MYO3A: variants seen among roughly 807,000 people sequenced by gnomAD.
MYO3A encodes the protein myosin IIIA.
A neutral mutation model predicts 192.7 loss-of-function variants in MYO3A; 180 were observed. That is an observed-to-expected ratio of 0.93 (90% CI 0.83 to 1.06). The LOEUF is 1.06. Ranked by LOEUF, MYO3A falls within the 50% of genes least tolerant of loss-of-function variation. The pLI is 0.00. For synonymous variants in MYO3A, 628 were observed against 645.3 expected (o/e 0.97, Z 0.41); for missense variants, 1,896 against 1,905.0 (o/e 1.00, Z 0.09).
In MYO3A at chr10:26,173,887, G is replaced by A. The variant is rs1321403445; in HGVS notation, c.3623G>A (p.Gly1208Glu). 1.2e-6 allele frequency: 2 copies of A among 1,613,880 alleles called. No individual in the cohort carries two copies. Among genetic ancestry groups the A allele is most frequent in the Non-Finnish European group, 1.7e-6 (2 of 1,180,006 alleles). Residue 1208 changes from glycine to glutamate, a missense_variant, in exon 30 of 35, where the codon GGG becomes GAG. By Grantham distance (98) the Gly-to-Glu change is moderately conservative (BLOSUM62 -2). Transcript: ENST00000642920. ...GTTAAGCAAGAATTCTACCTTGTAG[G>A]GCCAGAAGTAAGCCCCAAACAGAAG... ...EEVKQEFYLVGPEVSPKQKSV... is the reference protein window; with the variant it reads ...EEVKQEFYLVEPEVSPKQKSV...
At chr10:26,108,391 C>T (rs1446036348) in intron 17 of MYO3A, among the ~76,000 whole-genome samples, 1 of 152,002 alleles carries the variant, frequency 6.6e-6, no homozygotes, top group Non-Finnish European at 1.5e-5. Context: ...TAAGCTAAAA[C>T]AAACAAACAA....
intron 3 of MYO3A, among the ~76,000 whole-genome samples, chr10:25,954,166 A>G (rs577375681): frequency 3.5e-4 from 53 of 152,200 alleles, no homozygotes; most frequent in Admixed American, 2.0e-4. Context: ...CTATGATTCC[A>G]TGATTCTATA....
At chr10:26,034,933 G>GTGTC (rs1842959712) in intron 10 of MYO3A, among the ~76,000 whole-genome samples, 1 of 151,724 alleles carries the variant, frequency 6.6e-6, no homozygotes, top group African/African-American at 2.4e-5. Flanking sequence ...AAGCGTGTGT[G>GTGTC]TGTGTGTGTG....
At chr10:26,101,835 T>C (rs1837475287) in intron 17 of MYO3A, among the ~76,000 whole-genome samples, 1 of 152,224 alleles carries the variant, frequency 6.6e-6, no homozygotes, top group Admixed American at 6.5e-5. Context: ...TAATATTTTT[T>C]CCTTCATTTC....
At chr10:26,042,244 T>A (rs933436657) in intron 10 of MYO3A, among the ~76,000 whole-genome samples, 4 of 152,182 alleles carry the variant, frequency 2.6e-5, no homozygotes, top group Non-Finnish European at 2.9e-5. Context: ...ACTTTTAGGA[T>A]CCTTTCTTTA....
intron 31 of MYO3A, among the ~76,000 whole-genome samples, chr10:26,189,853 A>C (rs948921428): frequency 1.3e-5 from 2 of 152,130 alleles, no homozygotes; most frequent in Non-Finnish European, 2.9e-5. Flanking sequence ...ACCTGAGGTC[A>C]AGAGTTCGAG....
intron 2 of MYO3A, among the ~76,000 whole-genome samples, chr10:25,949,154 T>G (rs1434631429): frequency 1.3e-5 from 2 of 152,242 alleles, no homozygotes; most frequent in East Asian, 3.9e-4. Flanking sequence ...TAATATGTTA[T>G]AGTTACATGT....
intron 17 of MYO3A, among the ~76,000 whole-genome samples, chr10:26,108,689 CTCT>C (rs1837978711): frequency 6.6e-6 from 1 of 152,162 alleles, no homozygotes. Context: ...GGAAATTCTG[CTCT>C]TGGCAGCTCT....
At chr10:26,177,311 A>G (rs996111637) in intron 31 of MYO3A, among the ~76,000 whole-genome samples, 2 of 152,214 alleles carry the variant, frequency 1.3e-5, no homozygotes, top group Non-Finnish European at 2.9e-5. Context: ...TAAACTGGTG[A>G]GGAATTCAAT....
At chr10:26,033,917 C>A (rs935822162) in intron 10 of MYO3A, among the ~76,000 whole-genome samples, 9 of 152,128 alleles carry the variant, frequency 5.9e-5, no homozygotes, top group Non-Finnish European at 1.3e-4. Context: ...GAAAGGCAAG[C>A]ATTTAATCAA....
Position 26,087,950 on chromosome 10 carries a change from A to G in MYO3A, c.1360-253A>G, listed in dbSNP as rs11812518. The stretch of plus-strand genomic sequence containing the variant: ...GGCTGCTTATAAATTATGTTTGTAA[A>G]TCAGGCACTGAACAGAACTGCGCTT... On this transcript the variant is annotated intron_variant, in intron 14 of 34. Transcript: ENST00000642920. Among the ~76,000 whole-genome samples the G allele has an allele frequency of 0.48, 73,095 of 152,034 alleles. 18,283 individuals carry two copies. The highest frequency in any genetic ancestry group is 0.59 in the Middle Eastern group (174 of 294).
chr10:26,038,766 A>T (rs1350620702), intron 10 of MYO3A, among the ~76,000 whole-genome samples: 3 of 152,172 alleles, frequency 2.0e-5, no homozygotes, highest in Non-Finnish European at 4.4e-5. Flanking sequence ...CCAATCTTAG[A>T]GGAAAGGCTT....
intron 4 of MYO3A, among the ~76,000 whole-genome samples, chr10:25,971,156 T>G (rs1588680565): frequency 6.6e-6 from 1 of 152,126 alleles, no homozygotes; most frequent in African/African-American, 2.4e-5. Context: ...TATTTAATTA[T>G]AGTTTGTTAT....
At chr10:26,184,798 A>G (rs755484846) in intron 31 of MYO3A, among the ~76,000 whole-genome samples, 2 of 152,124 alleles carry the variant, frequency 1.3e-5, no homozygotes, top group African/African-American at 2.4e-5. Context: ...ATAGCCACAA[A>G]CCTTATTATG....
intron 31 of MYO3A, among the ~76,000 whole-genome samples, chr10:26,182,412 A>G (rs1285196411): frequency 1.3e-5 from 2 of 152,212 alleles, no homozygotes; most frequent in African/African-American, 4.8e-5. Context: ...TTTTAAAAAT[A>G]CTGGTATATT....
At position 26,026,502 on chromosome 10, in the gene MYO3A, A is replaced by C; in HGVS notation, c.923A>C (p.His308Pro). ...CAACTAACGGAATTCATTGGCATCC[A>C]TCAATGCATGGGAGGCACAGAAAAG... is the stretch of plus-strand genomic sequence containing the variant. The part of the protein sequence containing the change: ...QKQLTEFIGI[H>P]QCMGGTEKAR... The change falls in exon 10 of 35, where the codon CAT becomes CCT. Residue 308 changes from histidine to proline, a missense_variant. Transcript: ENST00000642920. 6.2e-7 allele frequency: 1 copy of C among 1,614,196 alleles called. No individual in the cohort carries two copies.
At chr10:26,038,494 C>G (rs1578218) in intron 10 of MYO3A, among the ~76,000 whole-genome samples, 72,690 of 151,988 alleles carry the variant, frequency 0.48, 18,144 homozygotes, top group Middle Eastern at 0.59. Context: ...TCCTTTTTCA[C>G]ATTGTTTGTT....
At position 26,072,701 on chromosome 10, in the gene MYO3A, T is replaced by TAAAA. The variant is rs59197337; in HGVS notation, c.1359+2308_1359+2311dup. Among the ~76,000 whole-genome samples the TAAAA allele has an allele frequency of 7.2e-3, 1,078 of 149,788 alleles. 3 individuals are homozygous for TAAAA. Among genetic ancestry groups the TAAAA allele is most frequent in the Non-Finnish European group, 9.3e-3 (626 of 67,504 alleles). On this transcript the variant is annotated intron_variant, in intron 14 of 34. Transcript: ENST00000642920. ...CAGAAGGGTCAATTTTCTATGTTTATAAAAAAAAAAATCTGTGGGACTATT... is the reference window on the plus strand; with the variant it reads ...CAGAAGGGTCAATTTTCTATGTTTATAAAAAAAAAAAAAAATCTGTGGGACTATT...
intron 10 of MYO3A, among the ~76,000 whole-genome samples, chr10:26,057,372 T>A (rs1254639160): frequency 1.3e-5 from 2 of 151,962 alleles, no homozygotes; most frequent in African/African-American, 2.4e-5. Flanking sequence ...ATTAGTAGGG[T>A]TAACCCTGGA....
Sources: gnomAD v4.1 joint callset for allele counts (sites outside exome capture counted in the v4.1 genomes callset) on GRCh38, gnomAD v4.1.1 for gene constraint, MANE v1.5 for transcripts, NCBI Gene and HGNC (gene_info 2026-07-23, HGNC 2026-07-21) for gene names.